Variants in TSHZ2 observed in about 807,000 individuals in gnomAD.
The protein encoded by TSHZ2 is teashirt homolog 2.
TSHZ2 carries 21 observed loss-of-function variants against 74.4 expected under a neutral mutation model. The ratio of observed to expected loss-of-function variants is 0.28; its 90% CI spans 0.20 to 0.41. TSHZ2 has a LOEUF of 0.41. Ranked by LOEUF, TSHZ2 falls within the 10% of genes least tolerant of loss-of-function variation. The pLI is 1.00. For synonymous variants in TSHZ2, 540 were observed against 515.3 expected (o/e 1.05, Z -0.65); for missense variants, 1,244 against 1,293.5 (o/e 0.96, Z 0.59).
At chr20:53,338,545 G>A (rs1300353159) in intron 2 of TSHZ2, among the ~76,000 whole-genome samples, 1 of 152,218 alleles carries the variant, frequency 6.6e-6, no homozygotes, top group Non-Finnish European at 1.5e-5. Flanking sequence ...CCTTCTAGGG[G>A]ACAGTTGACA....
At chr20:53,462,527 G>A (rs915300181) in intron 2 of TSHZ2, among the ~76,000 whole-genome samples, 1 of 152,142 alleles carries the variant, frequency 6.6e-6, no homozygotes, top group Non-Finnish European at 1.5e-5. Context: ...CCCAGCCCTG[G>A]CTTCAGAAGG....
At chr20:53,123,602 TG>T in intron 1 of TSHZ2, among the ~76,000 whole-genome samples, 1 of 152,314 alleles carries the variant, frequency 6.6e-6, no homozygotes, top group East Asian at 1.9e-4. Context: ...TTCAAGTTTT[TG>T]TTTGCATCAC....
Position 53,248,729 on chromosome 20 carries a change from T to C in TSHZ2, c.41-4770T>C, listed in dbSNP as rs12480963. On this transcript the variant is annotated intron_variant, in intron 1 of 2. Coordinates refer to ENST00000371497, the MANE Select transcript of TSHZ2 (RefSeq NM_173485.6). The stretch of plus-strand genomic sequence containing the variant: ...GAGGTCTTGTTGCTTATTTGCAGCC[T>C]TTATACTTAGGAGTGTAAATCCACA... 2.0e-3 allele frequency among the ~76,000 whole-genome samples: 304 copies of C among 152,342 alleles called. 3 individuals are homozygous for C. In the South Asian group the frequency reaches 0.022, roughly 11 times the overall value.
chr20:53,447,089 T>C (rs1984581585), intron 2 of TSHZ2, among the ~76,000 whole-genome samples: 2 of 152,212 alleles, frequency 1.3e-5, no homozygotes, highest in Admixed American at 1.3e-4. Context: ...CTTTGCTCCT[T>C]CTCAATAGTC....
intron 1 of TSHZ2, among the ~76,000 whole-genome samples, chr20:52,974,538 T>C (rs528155180): frequency 1.6e-4 from 25 of 152,150 alleles, no homozygotes; most frequent in Admixed American, 2.6e-4. Context: ...CTTTACCCTC[T>C]TGATTTAGGC....
chr20:53,388,877 C>T (rs1351943448), intron 2 of TSHZ2, among the ~76,000 whole-genome samples: 1 of 152,158 alleles, frequency 6.6e-6, no homozygotes, highest in East Asian at 1.9e-4. Context: ...GCCACCACAC[C>T]CGGCTGCCTC....
intron 1 of TSHZ2, among the ~76,000 whole-genome samples, chr20:53,206,793 T>C (rs1989179940): frequency 6.6e-6 from 1 of 152,184 alleles, no homozygotes; most frequent in Non-Finnish European, 1.5e-5. Flanking sequence ...TTCATTTTCT[T>C]GTGGGCATTT....
intron 2 of TSHZ2, among the ~76,000 whole-genome samples, chr20:53,458,303 G>A (rs1170406718): frequency 6.0e-5 from 9 of 150,976 alleles, no homozygotes; most frequent in East Asian, 1.9e-4. Context: ...TGTATGTGTC[G>A]AGGAATTTAT....
At chr20:53,067,205 A>G (rs576733149) in intron 1 of TSHZ2, among the ~76,000 whole-genome samples, 3 of 152,288 alleles carry the variant, frequency 2.0e-5, no homozygotes, top group East Asian at 3.9e-4. Context: ...GGTTGATGGT[A>G]TGTAATTGAA....
At chr20:53,032,939 T>C (rs910380) in intron 1 of TSHZ2, among the ~76,000 whole-genome samples, 92,663 of 151,916 alleles carry the variant, frequency 0.61, 28,735 homozygotes, top group East Asian at 0.86. Flanking sequence ...TAATCGTTCA[T>C]ACCCATGGGG....
At chr20:53,260,030 C>T (rs894097937) in intron 2 of TSHZ2, among the ~76,000 whole-genome samples, 5 of 151,894 alleles carry the variant, frequency 3.3e-5, no homozygotes, top group African/African-American at 4.8e-5. Context: ...TTCCTTCATT[C>T]CTTCCTCTTT....
chr20:53,248,822 G>A (rs58792957), intron 1 of TSHZ2, among the ~76,000 whole-genome samples: 2 of 152,100 alleles, frequency 1.3e-5, no homozygotes, highest in African/African-American at 4.8e-5. Flanking sequence ...TTATGGGGAT[G>A]CTCTGGTATT....
chr20:53,266,256 A>G lies in TSHZ2; in HGVS notation c.*8+9685A>G, dbSNP rs1192785931. On this transcript the variant is annotated intron_variant, in intron 2 of 2. Transcript: ENST00000371497. Reference sequence around the variant, plus strand: ...ATGAGCAGAAAGAAGTCAGGAGTAAAGAGATGAAGGAGGGACACAGCATGA... The same window carrying G: ...ATGAGCAGAAAGAAGTCAGGAGTAAGGAGATGAAGGAGGGACACAGCATGA... 3.3e-5 allele frequency among the ~76,000 whole-genome samples: 5 copies of G among 152,210 alleles called. No homozygotes were observed. The East Asian group carries it at 9.6e-4, about 29-fold the overall frequency.
At chr20:53,267,324 G>A (rs116537405) in intron 2 of TSHZ2, among the ~76,000 whole-genome samples, 230 of 152,310 alleles carry the variant, frequency 1.5e-3, no homozygotes, top group African/African-American at 5.2e-3. Context: ...AAGTACAGGT[G>A]CCTGAAAGAA....
intron 2 of TSHZ2, among the ~76,000 whole-genome samples, chr20:53,484,654 G>A (rs1348423716): frequency 1.3e-5 from 2 of 152,078 alleles, no homozygotes; most frequent in South Asian, 4.2e-4. Context: ...CCAAGGTGCT[G>A]GGATTACAGG....
At position 53,460,223 on chromosome 20, in the gene TSHZ2, T is replaced by A. The variant is rs540294503; in HGVS notation, c.*9-26921T>A. On this transcript the variant is annotated intron_variant, in intron 2 of 2. Coordinates refer to ENST00000371497, the MANE Select transcript of TSHZ2 (RefSeq NM_173485.6). Reference sequence around the variant, plus strand: ...CAGACGTAGATTTGGTCTTTTCGCATAGTCCCATATTTCTTGGAGGCTGTG... The same window carrying A: ...CAGACGTAGATTTGGTCTTTTCGCAAAGTCCCATATTTCTTGGAGGCTGTG... Among the ~76,000 whole-genome samples the A allele has an allele frequency of 1.5e-3, 227 of 152,040 alleles. 1 individual carries two copies. Among genetic ancestry groups the A allele is most frequent in the African/African-American group, 5.3e-3 (218 of 41,428 alleles).
At chr20:53,049,729 T>C (rs970106443) in intron 1 of TSHZ2, among the ~76,000 whole-genome samples, 2 of 151,576 alleles carry the variant, frequency 1.3e-5, no homozygotes, top group African/African-American at 2.4e-5. Context: ...GAGAAAGAAA[T>C]GGTGAATGAA....
At chr20:53,070,456 C>T (rs769504304) in intron 1 of TSHZ2, among the ~76,000 whole-genome samples, 1 of 152,204 alleles carries the variant, frequency 6.6e-6, no homozygotes, top group Non-Finnish European at 1.5e-5. Flanking sequence ...ATCTGTGAAG[C>T]AATCTCTTTC....
intron 2 of TSHZ2, among the ~76,000 whole-genome samples, chr20:53,471,803 CTTTTTTTTT>C (rs58027394): frequency 4.6e-5 from 4 of 87,284 alleles, no homozygotes; most frequent in Admixed American, 3.9e-4. Flanking sequence ...CTTTTCTTTT[CTTTTTTTTT>C]TTTTTTTTTT....
Sources: gnomAD v4.1 joint callset for allele counts (sites outside exome capture counted in the v4.1 genomes callset) on GRCh38, gnomAD v4.1.1 for gene constraint, MANE v1.5 for transcripts, NCBI Gene and HGNC (gene_info 2026-07-23, HGNC 2026-07-21) for gene names.